Variants in RGS6 observed in about 807,000 individuals in gnomAD.
RGS6 encodes regulator of G protein signaling 6.
RGS6 carries 30 observed loss-of-function variants against 78.5 expected under a neutral mutation model. The ratio of observed to expected loss-of-function variants is 0.38; its 90% CI spans 0.29 to 0.52. The LOEUF (loss-of-function observed/expected upper bound fraction) is 0.52, where lower values mean the gene tolerates loss of function less well. Ranked by LOEUF, RGS6 falls within the 20% of genes least tolerant of loss-of-function variation. The pLI, the probability that RGS6 is intolerant of heterozygous loss-of-function variation, is 0.85. For missense variants in RGS6, 495 were observed against 609.7 expected (o/e 0.81, Z 1.98); for synonymous variants, 206 against 206.0 (o/e 1.00, Z 0.00).
intron 2 of RGS6, among the ~76,000 whole-genome samples, chr14:72,149,408 G>T (rs569239709): frequency 6.6e-6 from 1 of 152,232 alleles, no homozygotes; most frequent in African/African-American, 2.4e-5. Context: ...ACCACATGGC[G>T]GGGCAGAGAA....
the RGS6 span, among the ~76,000 whole-genome samples, chr14:72,604,820 G>C: frequency 6.6e-6 from 1 of 152,162 alleles, no homozygotes; most frequent in Non-Finnish European, 1.5e-5. Flanking sequence ...TTTCCTCAAG[G>C]TTTCAAGGGG....
At chr14:71,874,789 T>C in the RGS6 span, among the ~76,000 whole-genome samples, 1 of 152,200 alleles carries the variant, frequency 6.6e-6, no homozygotes, top group African/African-American at 2.4e-5. Context: ...TTGTCATAAA[T>C]AGCTCTTATT....
chr14:72,279,918 AG>A (rs2061304056), intron 2 of RGS6, among the ~76,000 whole-genome samples: 1 of 152,258 alleles, frequency 6.6e-6, no homozygotes, highest in East Asian at 1.9e-4. Context: ...CTAAAAAGTG[AG>A]AGATCAAACA....
intron 12 of RGS6, among the ~76,000 whole-genome samples, chr14:72,480,034 A>G (rs2096336881): frequency 6.6e-6 from 1 of 152,202 alleles, no homozygotes; most frequent in Non-Finnish European, 1.5e-5. Flanking sequence ...AGTGGTTCTA[A>G]GTACCGTAAT....
chr14:72,163,873 A>G (rs1221121030), intron 2 of RGS6, among the ~76,000 whole-genome samples: 1 of 124,638 alleles, frequency 8.0e-6, no homozygotes, highest in Non-Finnish European at 1.7e-5. Context: ...ACAGAGTGAG[A>G]CTCCATCTCA....
At chr14:72,301,640 G>T (rs2066085116) in intron 2 of RGS6, among the ~76,000 whole-genome samples, 1 of 152,152 alleles carries the variant, frequency 6.6e-6, no homozygotes, top group Admixed American at 6.5e-5. Flanking sequence ...GAGGCCAAAA[G>T]TTCAAGACTG....
intron 2 of RGS6, among the ~76,000 whole-genome samples, chr14:71,985,181 T>A (rs2153154163): frequency 6.6e-6 from 1 of 152,314 alleles, no homozygotes; most frequent in East Asian, 1.9e-4. Flanking sequence ...TGGAGTGCAG[T>A]GGTGTGATCT....
intron 2 of RGS6, among the ~76,000 whole-genome samples, chr14:72,112,347 C>T (rs1347447118): frequency 6.6e-6 from 1 of 152,126 alleles, no homozygotes; most frequent in Non-Finnish European, 1.5e-5. Context: ...TATTAGGCTG[C>T]TAAGGTTTTA....
At chr14:72,083,639 G>C (rs548479185) in intron 2 of RGS6, among the ~76,000 whole-genome samples, 7 of 152,114 alleles carry the variant, frequency 4.6e-5, no homozygotes, top group African/African-American at 7.2e-5. Flanking sequence ...TCGGATTTGT[G>C]GGTTTTAGGC....
At chr14:72,275,813 T>A (rs1468683994) in intron 2 of RGS6, among the ~76,000 whole-genome samples, 1 of 152,196 alleles carries the variant, frequency 6.6e-6, no homozygotes, top group Non-Finnish European at 1.5e-5. Flanking sequence ...TGGAAAATTA[T>A]AACCAAAGTG....
intron 1 of RGS6, among the ~76,000 whole-genome samples, chr14:71,945,196 T>A (rs1470804835): frequency 6.6e-6 from 1 of 152,248 alleles, no homozygotes. Context: ...CTCTTCATTG[T>A]CTTACTTGCC....
chr14:72,535,330 C>T (rs150165821), intron 15 of RGS6, among the ~76,000 whole-genome samples: 8 of 152,328 alleles, frequency 5.3e-5, no homozygotes, highest in South Asian at 2.1e-4. Flanking sequence ...CCTTCCAGGA[C>T]GAGGTGGTGG....
rs1465030090 is a variant in RGS6 at position 72,267,592 on chromosome 14, T to G, written c.85-84503T>G. Among the ~76,000 whole-genome samples, 5 of 152,182 alleles carry G rather than the reference T, an allele frequency of 3.3e-5. No homozygotes were observed. In the East Asian group the frequency reaches 9.6e-4, roughly 29 times the overall value. ...GAGTTACAGCAAAGAGAACAGAAAGTATAGCTCATGATTGGGTGCTGACAG... is the reference window on the plus strand; with the variant it reads ...GAGTTACAGCAAAGAGAACAGAAAGGATAGCTCATGATTGGGTGCTGACAG... On this transcript the variant is annotated intron_variant, in intron 2 of 17. Coordinates refer to ENST00000553525, the MANE Select transcript of RGS6 (RefSeq NM_001204424.2).
chr14:72,529,548 G>A (rs1439577668), intron 15 of RGS6, among the ~76,000 whole-genome samples: 1 of 152,140 alleles, frequency 6.6e-6, no homozygotes, highest in African/African-American at 2.4e-5. Context: ...ACCCACATGG[G>A]CCTCCTGAGA....
chr14:71,902,798 A>G, the RGS6 span, among the ~76,000 whole-genome samples: 2 of 152,152 alleles, frequency 1.3e-5, no homozygotes, highest in Admixed American at 1.3e-4. Flanking sequence ...AATGAGGAAG[A>G]GATGAATTGA....
At chr14:72,175,589 C>T (rs563812822) in intron 2 of RGS6, among the ~76,000 whole-genome samples, 1 of 152,286 alleles carries the variant, frequency 6.6e-6, no homozygotes, top group East Asian at 1.9e-4. Context: ...TGTAGAAGAT[C>T]ATTCATTGGT....
At chr14:72,069,122 C>T (rs1005598486) in intron 2 of RGS6, among the ~76,000 whole-genome samples, 7 of 151,998 alleles carry the variant, frequency 4.6e-5, no homozygotes, top group Non-Finnish European at 8.8e-5. Flanking sequence ...CAGGTGCATG[C>T]CACCACGCCT....
At chr14:72,540,501 A>C (rs1198085945) in intron 17 of RGS6, 1 of 1,562,976 alleles carries the variant, frequency 6.4e-7, no homozygotes, top group Non-Finnish European at 8.6e-7. Flanking sequence ...AAAAAAAAAA[A>C]AAAAGCCAAA....
At chr14:72,207,256 AT>A (rs1163064408) in intron 2 of RGS6, among the ~76,000 whole-genome samples, 2 of 152,164 alleles carry the variant, frequency 1.3e-5, no homozygotes, top group Non-Finnish European at 2.9e-5. Context: ...TTATTTCACA[AT>A]ATGGGATAAA....
Sources: gnomAD v4.1 joint callset for allele counts (sites outside exome capture counted in the v4.1 genomes callset) on GRCh38, gnomAD v4.1.1 for gene constraint, MANE v1.5 for transcripts, NCBI Gene and HGNC (gene_info 2026-07-23, HGNC 2026-07-21) for gene names.